The following LRP1B variants were observed in gnomAD, a reference collection of about 807,000 sequenced individuals.
The protein encoded by LRP1B is low-density lipoprotein receptor-related protein 1B.
A neutral mutation model predicts 556.6 loss-of-function variants in LRP1B; 217 were observed. The observed-to-expected ratio is 0.39, with a 90% CI of 0.35 to 0.44. The LOEUF (loss-of-function observed/expected upper bound fraction) is 0.44. Ranked by LOEUF, LRP1B falls within the 20% of genes least tolerant of loss-of-function variation. The pLI is 1.00. For missense variants in LRP1B, 5,053 were observed against 5,620.8 expected (o/e 0.90, Z 3.23); for synonymous variants, 2,047 against 1,865.8 (o/e 1.10, Z -2.50).
intron 14 of LRP1B, among the ~76,000 whole-genome samples, chr2:141,009,315 A>T (rs1280838240): frequency 6.6e-6 from 1 of 152,032 alleles, no homozygotes; most frequent in Non-Finnish European, 1.5e-5. Flanking sequence ...CAGATGAATT[A>T]TGCATTTAAT....
chr2:141,062,800 AT>A (rs1262140727), intron 7 of LRP1B, among the ~76,000 whole-genome samples: 1 of 151,898 alleles, frequency 6.6e-6, no homozygotes, highest in African/African-American at 2.4e-5. Context: ...AGCAACAGAA[AT>A]AAAACATAAA....
At chr2:140,618,901 A>AATT (rs1051085693) in intron 41 of LRP1B, among the ~76,000 whole-genome samples, 18 of 152,022 alleles carry the variant, frequency 1.2e-4, no homozygotes, top group African/African-American at 4.1e-4. Context: ...GTGGGGAAAT[A>AATT]ATTATTTTTT....
At chr2:140,717,519 T>A in intron 35 of LRP1B, among the ~76,000 whole-genome samples, 1 of 152,110 alleles carries the variant, frequency 6.6e-6, no homozygotes, top group East Asian at 1.9e-4. Flanking sequence ...TTTTGAATAC[T>A]TGAATGAAAA....
chr2:142,039,035 T>A (rs1050336232), intron 1 of LRP1B, among the ~76,000 whole-genome samples: 1 of 151,482 alleles, frequency 6.6e-6, no homozygotes, highest in Non-Finnish European at 1.5e-5. Context: ...CAAGAGCCCA[T>A]GAAAAGAAAT....
chr2:140,813,224 T>C (rs1250662621), intron 32 of LRP1B, among the ~76,000 whole-genome samples: 1 of 152,154 alleles, frequency 6.6e-6, no homozygotes, highest in Non-Finnish European at 1.5e-5. Flanking sequence ...AATGGGAAAT[T>C]ATTTCAATCA....
At chr2:140,461,841 A>T (rs1157114683) in intron 60 of LRP1B, among the ~76,000 whole-genome samples, 3 of 144,844 alleles carry the variant, frequency 2.1e-5, no homozygotes, top group South Asian at 2.1e-4. Flanking sequence ...CTCAAAAAAT[A>T]AAAAAAAAAT....
chr2:141,599,514 A>G (rs1007582965), intron 2 of LRP1B, among the ~76,000 whole-genome samples: 2 of 152,074 alleles, frequency 1.3e-5, no homozygotes, highest in African/African-American at 4.8e-5. Context: ...ATCATATAAA[A>G]CTTTAGGGTA....
intron 3 of LRP1B, among the ~76,000 whole-genome samples, chr2:141,383,636 G>A (rs1376648284): frequency 6.6e-6 from 1 of 152,112 alleles, no homozygotes; most frequent in Non-Finnish European, 1.5e-5. Context: ...CAAAAGTTGT[G>A]AACCATCTGT....
intron 3 of LRP1B, among the ~76,000 whole-genome samples, chr2:141,309,648 G>A (rs6743803): frequency 0.015 from 2,346 of 152,226 alleles, 56 homozygotes; most frequent in African/African-American, 0.053. Flanking sequence ...TCACTCATAA[G>A]TAGGAGTTGA....
At chr2:141,179,774 A>G (rs1399818550) in intron 7 of LRP1B, among the ~76,000 whole-genome samples, 1 of 151,926 alleles carries the variant, frequency 6.6e-6, no homozygotes, top group Admixed American at 6.6e-5. Flanking sequence ...CTTGCAAGTC[A>G]AACCACTAAG....
At chr2:141,593,990 C>T (rs1400042252) in intron 2 of LRP1B, among the ~76,000 whole-genome samples, 1 of 152,072 alleles carries the variant, frequency 6.6e-6, no homozygotes, top group African/African-American at 2.4e-5. Context: ...TGATCCCCAC[C>T]CTTCACCTTT....
intron 84 of LRP1B, among the ~76,000 whole-genome samples, chr2:140,279,842 AAT>A (rs1482936044): frequency 1.3e-5 from 2 of 151,910 alleles, no homozygotes; most frequent in Non-Finnish European, 1.5e-5. Flanking sequence ...TAAAAATATT[AAT>A]GATCCCATCG....
intron 2 of LRP1B, among the ~76,000 whole-genome samples, chr2:141,578,433 A>T (rs1360876186): frequency 1.3e-5 from 2 of 151,656 alleles, no homozygotes; most frequent in Admixed American, 6.6e-5. Context: ...AAAAAAAATC[A>T]GTCACTGCCC....
At chr2:140,572,645 A>C (rs1204554856) in intron 43 of LRP1B, among the ~76,000 whole-genome samples, 1 of 151,780 alleles carries the variant, frequency 6.6e-6, no homozygotes, top group African/African-American at 2.4e-5. Flanking sequence ...ATGGGAAAGA[A>C]AATTAGTATG....
At chr2:141,462,664 A>G (rs1336722696) in intron 3 of LRP1B, among the ~76,000 whole-genome samples, 1 of 152,164 alleles carries the variant, frequency 6.6e-6, no homozygotes, top group Admixed American at 6.5e-5. Flanking sequence ...AAAATAAAAA[A>G]ATTAATAAAT....
chr2:141,649,828 A>G (rs2105377059), intron 2 of LRP1B, among the ~76,000 whole-genome samples: 1 of 152,334 alleles, frequency 6.6e-6, no homozygotes, highest in South Asian at 2.1e-4. Flanking sequence ...ACAGTCCAAG[A>G]AAATGAATAT....
intron 7 of LRP1B, among the ~76,000 whole-genome samples, chr2:141,173,448 C>T (rs1270753312): frequency 2.0e-5 from 3 of 152,066 alleles, no homozygotes; most frequent in Non-Finnish European, 4.4e-5. Flanking sequence ...AGAAATGGAA[C>T]CCACCTCCAG....
At chr2:140,964,331 G>T (rs987089280) in intron 18 of LRP1B, among the ~76,000 whole-genome samples, 2 of 152,124 alleles carry the variant, frequency 1.3e-5, no homozygotes, top group African/African-American at 4.8e-5. Flanking sequence ...CCGGATAACT[G>T]CGGGCGAGCC....
chr2:140,416,363 A>G (rs1685201263), intron 66 of LRP1B, among the ~76,000 whole-genome samples: 1 of 152,090 alleles, frequency 6.6e-6, no homozygotes, highest in African/African-American at 2.4e-5. Flanking sequence ...TCATATCAAA[A>G]CCCTATCAGA....
Sources: gnomAD v4.1 joint callset for allele counts (sites outside exome capture counted in the v4.1 genomes callset) on GRCh38, gnomAD v4.1.1 for gene constraint, MANE v1.5 for transcripts, NCBI Gene and HGNC (gene_info 2026-07-23, HGNC 2026-07-21) for gene names.